The following CYP3A4 variants were observed in gnomAD, a reference collection of about 807,000 sequenced individuals.
The protein encoded by CYP3A4 is cytochrome P450 family 3 subfamily A member 4, also known as cytochrome P450 3A4.
Under a neutral mutation model 54.9 loss-of-function variants are expected in CYP3A4, and 41 were observed. The ratio of observed to expected loss-of-function variants is 0.75; its 90% CI spans 0.58 to 0.97. CYP3A4 has a LOEUF of 0.97. Among genes scored for constraint, CYP3A4 ranks in the 50% least tolerant of loss-of-function variants. The probability of loss-of-function intolerance (pLI) is 0.00; values close to 1 mark genes in which losing one functional copy is unlikely to be tolerated. For synonymous variants in CYP3A4, 179 were observed against 205.2 expected, an observed-to-expected ratio of 0.87 and a Z score of 1.09; for missense variants, 510 against 597.3, an observed-to-expected ratio of 0.85 and a Z score of 1.52.
chr7:99,759,940 A>T (rs747101069), intron 12 of CYP3A4, among the ~76,000 whole-genome samples: 1 of 151,718 alleles, frequency 6.6e-6, no homozygotes, highest in Non-Finnish European at 1.5e-5. Context: ...GGTTCATGCC[A>T]TTCTCCTGCC....
chr7:99,766,331 T>G, intron 9 of CYP3A4, 46 bp downstream of exon 9: 1 of 1,603,048 alleles, frequency 6.2e-7, no homozygotes, highest in Non-Finnish European at 8.5e-7. Flanking sequence ...AACAAGGCCT[T>G]CCCTCTGAGT....
At chr7:99,764,611 A>C (rs1388052574) in intron 9 of CYP3A4, among the ~76,000 whole-genome samples, 1 of 152,160 alleles carries the variant, frequency 6.6e-6, no homozygotes, top group East Asian at 1.9e-4. Flanking sequence ...GAAATGCAAA[A>C]TCTCAAACCC....
At chr7:99,777,640 C>T (rs1337780475) in intron 3 of CYP3A4, among the ~76,000 whole-genome samples, 1 of 151,960 alleles carries the variant, frequency 6.6e-6, no homozygotes, top group East Asian at 1.9e-4. Context: ...AAGGCCATCC[C>T]AACATTAAAA....
At chr7:99,768,259 T>G (rs1815525326) in intron 7 of CYP3A4, 95 bp downstream of exon 7, 1 of 1,329,102 alleles carries the variant, frequency 7.5e-7, no homozygotes. Context: ...GAACTGTATA[T>G]TTTAAGTGGA....
intron 6 of CYP3A4, chr7:99,769,450 C>T (rs1584544567): frequency 1.3e-5 from 5 of 370,586 alleles, no homozygotes; most frequent in Admixed American, 3.7e-5. Context: ...ATCCCATACA[C>T]TCCATGCTTA....
chr7:99,772,689 G>T lies in CYP3A4; in HGVS notation c.219C>A (p.Gly73=). ...ECHKKYGKVW[G]FYDGQQPVLA... Reference sequence around the variant, plus strand: ...GCACAGGCTGTTGACCATCATAAAAGCTGTGTGAAAAAAACAGAGTTGATT... The same window carrying T: ...GCACAGGCTGTTGACCATCATAAAATCTGTGTGAAAAAAACAGAGTTGATT... The change falls in exon 4 of 13, where the codon GGC becomes GGA. Residue 73 remains glycine, a splice_region_variant and synonymous_variant. Coordinates refer to ENST00000651514, the MANE Select transcript of CYP3A4 (RefSeq NM_017460.6). 6.2e-7 allele frequency: 1 copy of T among 1,612,692 alleles called. No homozygotes were observed. The highest frequency in any genetic ancestry group is 8.5e-7 in the Non-Finnish European group (1 of 1,179,194).
intron 3 of CYP3A4, among the ~76,000 whole-genome samples, chr7:99,775,922 A>G (rs1815759373): frequency 1.3e-5 from 2 of 152,246 alleles, no homozygotes; most frequent in African/African-American, 4.8e-5. Context: ...AGAATGGGAG[A>G]AAATTTTTGC....
Position 99,772,661 on chromosome 7 carries a change from C to A in CYP3A4, c.247G>T (p.Ala83Ser). Reference sequence around the variant, plus strand: ...TTGATCATGTCAGGATCTGTGATAGCCAGCACAGGCTGTTGACCATCATAA... The same window carrying A: ...TTGATCATGTCAGGATCTGTGATAGACAGCACAGGCTGTTGACCATCATAA... Reference protein sequence around the residue: ...GFYDGQQPVLAITDPDMIKTV... With the variant: ...GFYDGQQPVLSITDPDMIKTV... The change falls in exon 4 of 13, where the codon GCT becomes TCT. Residue 83 changes from alanine to serine, a missense_variant. Transcript: ENST00000651514. 2 of 1,613,332 alleles carry A rather than the reference C, an allele frequency of 1.2e-6. No homozygotes were observed. The highest frequency in any genetic ancestry group is 1.7e-6 in the Non-Finnish European group (2 of 1,179,440).
At position 99,758,000 on chromosome 7, in the gene CYP3A4, C is replaced by T. The variant is rs1366770940; in HGVS notation, c.*133G>A. On this transcript the variant is annotated 3_prime_UTR_variant, in exon 13 of 13. Coordinates refer to ENST00000651514, the MANE Select transcript of CYP3A4 (RefSeq NM_017460.6). The stretch of plus-strand genomic sequence containing the variant: ...AGAGAGCTCAATGCATGTACAGAAT[C>T]CCCGGTTATTTATGCAGTCCATTGG... 5.6e-6 allele frequency: 4 copies of T among 718,754 alleles called. No homozygotes were observed. The African/African-American group carries it at 7.0e-5, about 13-fold the overall frequency. 44.5% of individuals were successfully genotyped at this position (718,754 alleles called of 1,614,324 possible).
At chr7:99,777,287 T>A (rs112645197) in intron 3 of CYP3A4, among the ~76,000 whole-genome samples, 61 of 151,456 alleles carry the variant, frequency 4.0e-4, no homozygotes, top group African/African-American at 1.5e-3. Context: ...AGGCAGACAC[T>A]GGACAGAGCA....
chr7:99,762,339 A>C (rs1181496817), intron 10 of CYP3A4, 72 bp from the exon 11 acceptor site: 3 of 1,549,358 alleles, frequency 1.9e-6, no homozygotes, highest in East Asian at 2.4e-5. Context: ...ATGCAGTACT[A>C]ATGAAGTATT....
intron 4 of CYP3A4, among the ~76,000 whole-genome samples, chr7:99,771,171 AG>A (rs1482241529): frequency 6.6e-6 from 1 of 150,586 alleles, no homozygotes; most frequent in Non-Finnish European, 1.5e-5. Context: ...AGGAAATAAA[AG>A]AATTGTCTCT....
chr7:99,777,449 T>C (rs1421613684), intron 3 of CYP3A4, among the ~76,000 whole-genome samples: 2 of 150,698 alleles, frequency 1.3e-5, no homozygotes, highest in Non-Finnish European at 2.9e-5. Context: ...AGTGTGAATG[T>C]TGTTAGAACC....
At chr7:99,773,633 G>A (rs1815688033) in intron 3 of CYP3A4, among the ~76,000 whole-genome samples, 1 of 152,176 alleles carries the variant, frequency 6.6e-6, no homozygotes, top group Non-Finnish European at 1.5e-5. Context: ...AAATAAAGAT[G>A]TTCTATGAAA....
chr7:99,765,302 A>G (rs185224941), intron 9 of CYP3A4, among the ~76,000 whole-genome samples: 12 of 152,354 alleles, frequency 7.9e-5, no homozygotes, highest in Admixed American at 7.8e-4. Flanking sequence ...CCAGTGCTCA[A>G]TAGCCATATG....
chr7:99,779,098 G>A (rs1387080348), intron 2 of CYP3A4, among the ~76,000 whole-genome samples: 2 of 152,152 alleles, frequency 1.3e-5, no homozygotes, highest in African/African-American at 4.8e-5. Context: ...ACTAGGTTAG[G>A]CACAAAGGCT....
intron 9 of CYP3A4, among the ~76,000 whole-genome samples, chr7:99,765,533 T>C (rs551355984): frequency 1.2e-4 from 18 of 152,182 alleles, no homozygotes; most frequent in Non-Finnish European, 2.5e-4. Context: ...CATAGATAGA[T>C]ACATAGACAT....
intron 10 of CYP3A4, among the ~76,000 whole-genome samples, chr7:99,762,796 AC>A (rs1237068746): frequency 6.6e-6 from 1 of 152,106 alleles, no homozygotes; most frequent in Non-Finnish European, 1.5e-5. Context: ...AGAACCCCAC[AC>A]AGCCCTGTCC....
chr7:99,762,640 GGAGA>G (rs1422690693), intron 10 of CYP3A4, among the ~76,000 whole-genome samples: 1 of 151,940 alleles, frequency 6.6e-6, no homozygotes, highest in Non-Finnish European at 1.5e-5. Flanking sequence ...CAGAAAATGT[GGAGA>G]GAAACACTAT....
Sources: gnomAD v4.1 joint callset for allele counts (sites outside exome capture counted in the v4.1 genomes callset) on GRCh38, gnomAD v4.1.1 for gene constraint, MANE v1.5 for transcripts, NCBI Gene and HGNC (gene_info 2026-07-23, HGNC 2026-07-21) for gene names.